The following VAC14 variants were observed in gnomAD, a reference collection of about 807,000 sequenced individuals.
VAC14 encodes protein VAC14 homolog.
In VAC14, 47 loss-of-function variants were observed where a neutral mutation model predicts 85.3. That is an observed-to-expected ratio of 0.55 (90% CI 0.44 to 0.70). The LOEUF is 0.70. VAC14 is among the 30% of genes least tolerant of loss of function. The probability of loss-of-function intolerance (pLI) is 0.00; values close to 1 mark genes in which losing one functional copy is unlikely to be tolerated. For synonymous variants in VAC14, 447 were observed against 430.5 expected (o/e 1.04, Z -0.47); for missense variants, 861 against 1,004.3 (o/e 0.86, Z 1.93).
Position 70,796,511 on chromosome 16 carries a change from G to A in VAC14, c.104+4286C>T, listed in dbSNP as rs1024762252. Among the ~76,000 whole-genome samples the A allele has an allele frequency of 5.9e-5, 9 of 152,278 alleles. No homozygotes were observed. The Middle Eastern group carries it at 0.01, about 173-fold the overall frequency. On this transcript the variant is annotated intron_variant, in intron 1 of 18. Coordinates refer to ENST00000261776, the MANE Select transcript of VAC14 (RefSeq NM_018052.5). ...GGAAAACCAGTCATGCAGTGGGGAC[G>A]TCTTCTGAGACACATGAACCTGAGT...
At position 70,703,747 on chromosome 16, in the gene VAC14, C is replaced by T. The variant is rs111924554; in HGVS notation, c.1662-4936G>A. 1.8e-4 allele frequency among the ~76,000 whole-genome samples: 28 copies of T among 152,322 alleles called. 2 individuals are homozygous for T. Among genetic ancestry groups the T allele is most frequent in the African/African-American group, 5.8e-4 (24 of 41,558 alleles). ...TTGGTTTCTCTGCCACATACCCAGG[C>T]GCTCTCAAAAGAGCAACCTGCCCTC... On this transcript the variant is annotated intron_variant, in intron 14 of 18. Transcript: ENST00000261776.
intron 14 of VAC14, among the ~76,000 whole-genome samples, chr16:70,723,153 T>C (rs1353850043): frequency 6.7e-6 from 1 of 150,248 alleles, no homozygotes; most frequent in African/African-American, 2.5e-5. Context: ...ACCCGGGGGG[T>C]GGAGGTTGCA....
chr16:70,784,009 G>A, intron 5 of VAC14, 104 bp downstream of exon 5: 1 of 894,134 alleles, frequency 1.1e-6, no homozygotes, highest in Non-Finnish European at 1.8e-6. Flanking sequence ...CTATTCAAGG[G>A]AGAACATGGA....
At chr16:70,763,243 C>T (rs955944594) in intron 10 of VAC14, among the ~76,000 whole-genome samples, 1 of 152,238 alleles carries the variant, frequency 6.6e-6, no homozygotes, top group East Asian at 1.9e-4. Flanking sequence ...GGGCTTCTCT[C>T]TCTCCCTTTC....
At chr16:70,751,576 C>T (rs74024448) in intron 12 of VAC14, among the ~76,000 whole-genome samples, 45 of 152,326 alleles carry the variant, frequency 3.0e-4, no homozygotes, top group African/African-American at 1.0e-3. Context: ...CCCCTTCCTT[C>T]GTGAGGGGTG....
At chr16:70,733,478 T>C (rs1344912836) in intron 13 of VAC14, among the ~76,000 whole-genome samples, 2 of 152,096 alleles carry the variant, frequency 1.3e-5, no homozygotes, top group Admixed American at 1.3e-4. Flanking sequence ...AAATCTCATG[T>C]TGAAATTTAA....
At chr16:70,692,115 T>A in intron 18 of VAC14, 3 of 980,880 alleles carry the variant, frequency 3.1e-6, no homozygotes, top group Non-Finnish European at 3.6e-6. Context: ...CTCCAAGGGT[T>A]ACCAAATATA....
chr16:70,786,063 A>G (rs2034041485), intron 2 of VAC14, 152 bp downstream of exon 2: 9 of 1,415,852 alleles, frequency 6.4e-6, no homozygotes, highest in Non-Finnish European at 8.6e-6. Context: ...CAAGGCCGCA[A>G]AGCCAGCCTT....
At chr16:70,758,110 G>A (rs2032018311) in intron 12 of VAC14, among the ~76,000 whole-genome samples, 1 of 151,994 alleles carries the variant, frequency 6.6e-6, no homozygotes, top group African/African-American at 2.4e-5. Context: ...TACAAAAAAA[G>A]ACTCTAAAGC....
chr16:70,753,011 GGTGTGTGTGTGT>G (rs372860764), intron 12 of VAC14, among the ~76,000 whole-genome samples: 14 of 143,066 alleles, frequency 9.8e-5, no homozygotes, highest in East Asian at 6.3e-4. Flanking sequence ...AGGAGGAGGG[GGTGTGTGTGTGT>G]GTGTGTGTGT....
intron 18 of VAC14, among the ~76,000 whole-genome samples, chr16:70,692,508 G>A (rs1045872993): frequency 6.6e-6 from 1 of 152,262 alleles, no homozygotes; most frequent in South Asian, 2.1e-4. Flanking sequence ...CTCTGTCTGG[G>A]TAACTCCAGA....
In VAC14 at chr16:70,800,777, G is replaced by A. The variant is rs747542861; in HGVS notation, c.104+20C>T. The A allele has an allele frequency of 1.3e-6, 2 of 1,599,236 alleles. No homozygotes were observed. The highest frequency in any genetic ancestry group is 3.3e-5 in the Admixed American group (2 of 59,772). ...CAGTCAGGGGCTGCATAGCCAGGGA[G>A]GGGTCCTGGCGGCTCTTACTTCTCG... is the stretch of plus-strand genomic sequence containing the variant. On this transcript the variant is annotated intron_variant, in intron 1 of 18. Transcript: ENST00000261776.
chr16:70,705,487 T>C lies in VAC14; in HGVS notation c.1662-6676A>G, dbSNP rs541369929. Among the ~76,000 whole-genome samples, 15 of 152,294 alleles carry C rather than the reference T, an allele frequency of 9.8e-5. 1 individual carries two copies. The highest frequency in any genetic ancestry group is 2.9e-4 in the African/African-American group (12 of 41,548). On this transcript the variant is annotated intron_variant, in intron 14 of 18. Coordinates refer to ENST00000261776, the MANE Select transcript of VAC14 (RefSeq NM_018052.5). ...AACTCAAGAGAAGTTCATGGGGAAA[T>C]GGAGACTGAAGCAACCATCCCCTCC...
intron 9 of VAC14, among the ~76,000 whole-genome samples, chr16:70,780,569 T>C (rs1182074319): frequency 1.3e-5 from 2 of 152,246 alleles, no homozygotes; most frequent in African/African-American, 2.4e-5. Context: ...CAGTCTTCAC[T>C]AGCTGCGAGT....
intron 13 of VAC14, among the ~76,000 whole-genome samples, chr16:70,740,989 T>G (rs1405304164): frequency 6.6e-6 from 1 of 152,248 alleles, no homozygotes; most frequent in Admixed American, 6.5e-5. Flanking sequence ...CACTGCTGCG[T>G]GTGATCCGCA....
At chr16:70,696,176 T>A (rs574905546) in intron 16 of VAC14, among the ~76,000 whole-genome samples, 2 of 152,146 alleles carry the variant, frequency 1.3e-5, no homozygotes, top group Non-Finnish European at 2.9e-5. Flanking sequence ...CTGGGTTACA[T>A]GTCAGGCACC....
rs745504886 is a variant in VAC14 at position 70,780,921 on chromosome 16, T to A, written c.965A>T (p.Asn322Ile). ...CTTCATCAGGCTCTGGTTGCACACG[T>A]TGGCCACTTCTTTGATGCCTGAGTC... Reference protein sequence around the residue: ...DRKKSIKEVANVCNQSLMKLV... With the variant: ...DRKKSIKEVAIVCNQSLMKLV... Residue 322 changes from asparagine (N) to isoleucine (I), a missense_variant, in exon 9 of 19, where the codon AAC (asparagine) becomes ATC (isoleucine). Asn to Ile is a moderately radical substitution (Grantham distance 149). Coordinates refer to ENST00000261776, the MANE Select transcript of VAC14 (RefSeq NM_018052.5). 29 of 1,614,054 alleles carry A rather than the reference T, an allele frequency of 1.8e-5. No individual in the cohort carries two copies. The highest frequency in any genetic ancestry group is 2.3e-5 in the Non-Finnish European group (27 of 1,180,028).
intron 1 of VAC14, among the ~76,000 whole-genome samples, chr16:70,789,545 C>T (rs1011547317): frequency 3.3e-5 from 5 of 152,196 alleles, no homozygotes; most frequent in East Asian, 1.9e-4. Flanking sequence ...GCCTGCCACG[C>T]GGGAGGCCCG....
intron 10 of VAC14, among the ~76,000 whole-genome samples, chr16:70,763,294 A>T (rs1019020056): frequency 3.3e-5 from 5 of 152,126 alleles, no homozygotes; most frequent in Admixed American, 6.5e-5. Flanking sequence ...GAACCATGAT[A>T]ACCATGTTTT....
Sources: allele counts gnomAD v4.1 joint callset (sites outside exome capture counted in the v4.1 genomes callset), GRCh38; gene constraint gnomAD v4.1.1; transcripts MANE v1.5; gene names NCBI Gene and HGNC (gene_info 2026-07-23, HGNC 2026-07-21).